The following CDH13 variants were observed in gnomAD, a reference collection of about 807,000 sequenced individuals.
The protein encoded by CDH13 is cadherin 13, also known as cadherin-13.
CDH13 carries 24 observed loss-of-function variants against 63.8 expected under a neutral mutation model. The ratio of observed to expected loss-of-function variants is 0.38; its 90% CI spans 0.27 to 0.53. The LOEUF (loss-of-function observed/expected upper bound fraction) is 0.53. CDH13 is among the 20% of genes least tolerant of loss of function. The probability of loss-of-function intolerance (pLI) is 0.85; values close to 1 mark genes in which losing one functional copy is unlikely to be tolerated. For missense variants in CDH13, 1,049 were observed against 903.1 expected, an observed-to-expected ratio of 1.16 and a Z score of -2.07; for synonymous variants, 503 against 355.3, an observed-to-expected ratio of 1.42 and a Z score of -4.67.
At chr16:82,677,346 G>A (rs1914046723) in intron 1 of CDH13, among the ~76,000 whole-genome samples, 2 of 151,566 alleles carry the variant, frequency 1.3e-5, no homozygotes, top group African/African-American at 4.9e-5. Context: ...CTTCTTCCTA[G>A]CCCAGGTGTT....
intron 11 of CDH13, among the ~76,000 whole-genome samples, chr16:83,754,542 C>G (rs1332321235): frequency 1.3e-5 from 2 of 152,156 alleles, no homozygotes; most frequent in Admixed American, 6.5e-5. Context: ...CCCATAATTC[C>G]CATGTGCTGT....
chr16:82,976,668 T>G (rs1597340806), intron 2 of CDH13, among the ~76,000 whole-genome samples: 1 of 151,952 alleles, frequency 6.6e-6, no homozygotes, highest in East Asian at 1.9e-4. Context: ...AGAATGTAGG[T>G]GAGATTGGCA....
At chr16:83,146,822 T>C (rs1371577416) in intron 4 of CDH13, among the ~76,000 whole-genome samples, 1 of 152,216 alleles carries the variant, frequency 6.6e-6, no homozygotes, top group Non-Finnish European at 1.5e-5. Flanking sequence ...GCATGGTGGC[T>C]CACGCCTGTA....
intron 2 of CDH13, among the ~76,000 whole-genome samples, chr16:82,897,761 G>A (rs959168723): frequency 6.6e-6 from 1 of 152,236 alleles, no homozygotes; most frequent in African/African-American, 2.4e-5. Flanking sequence ...AACTGCAAGG[G>A]GTGGGGAAAT....
intron 2 of CDH13, chr16:82,884,455 A>G (rs1380670005): frequency 6.9e-6 from 2 of 289,146 alleles, no homozygotes; most frequent in Admixed American, 4.2e-5. Context: ...GCAGCAACCC[A>G]GTGCCTGTAA....
intron 1 of CDH13, among the ~76,000 whole-genome samples, chr16:82,741,199 C>G (rs2033915321): frequency 6.6e-6 from 1 of 152,192 alleles, no homozygotes; most frequent in Non-Finnish European, 1.5e-5. Flanking sequence ...TGATATAGCT[C>G]AAACCCTCGG....
chr16:83,399,889 C>T (rs569423755), intron 6 of CDH13, among the ~76,000 whole-genome samples: 8 of 152,300 alleles, frequency 5.3e-5, no homozygotes, highest in East Asian at 1.9e-4. Flanking sequence ...TTGTACCCAA[C>T]TCATTCTAAT....
At chr16:83,400,939 C>T (rs189051838) in intron 6 of CDH13, among the ~76,000 whole-genome samples, 50 of 152,168 alleles carry the variant, frequency 3.3e-4, no homozygotes, top group African/African-American at 1.2e-3. Context: ...TGTGGTGGCT[C>T]ACACCAGTAA....
At chr16:83,007,122 A>G (rs1913606669) in intron 2 of CDH13, among the ~76,000 whole-genome samples, 1 of 151,962 alleles carries the variant, frequency 6.6e-6, no homozygotes, top group Non-Finnish European at 1.5e-5. Context: ...GGGTTTCTCC[A>G]TGTTGGTCAG....
intron 4 of CDH13, among the ~76,000 whole-genome samples, chr16:83,133,946 A>G (rs893039019): frequency 6.6e-6 from 1 of 152,226 alleles, no homozygotes; most frequent in African/African-American, 2.4e-5. Flanking sequence ...AACACAGAGT[A>G]GCGACTCAAA....
At chr16:83,439,199 C>A (rs376555265) in intron 6 of CDH13, among the ~76,000 whole-genome samples, 1 of 152,220 alleles carries the variant, frequency 6.6e-6, no homozygotes, top group Admixed American at 6.5e-5. Context: ...TTGGAAAGAA[C>A]GGTGTCTGGC....
intron 3 of CDH13, among the ~76,000 whole-genome samples, chr16:83,074,807 T>C (rs931249560): frequency 6.6e-6 from 1 of 152,202 alleles, no homozygotes; most frequent in Non-Finnish European, 1.5e-5. Flanking sequence ...GAGTTCCTGA[T>C]AAATAGTCCA....
chr16:82,627,337 C>CGTGCGTGTGTGCGT (rs1555525839), intron 1 of CDH13, among the ~76,000 whole-genome samples, 200 bp downstream of exon 1: 6 of 131,182 alleles, frequency 4.6e-5, no homozygotes, highest in Admixed American at 3.0e-4. Context: ...CTCTGGCGTG[C>CGTGCGTGTGTGCGT]GTGTGTGTGT....
At chr16:83,460,591 C>A (rs529522844) in intron 6 of CDH13, among the ~76,000 whole-genome samples, 2 of 152,138 alleles carry the variant, frequency 1.3e-5, no homozygotes, top group Admixed American at 6.5e-5. Context: ...CAGAAAAATA[C>A]AAACAGATGA....
At chr16:83,051,235 C>T (rs547587108) in intron 3 of CDH13, among the ~76,000 whole-genome samples, 5 of 152,168 alleles carry the variant, frequency 3.3e-5, no homozygotes, top group Non-Finnish European at 7.3e-5. Flanking sequence ...TCACAATTCC[C>T]TGTCATTCAT....
chr16:83,076,780 T>C (rs1371563962), intron 3 of CDH13, among the ~76,000 whole-genome samples: 1 of 152,198 alleles, frequency 6.6e-6, no homozygotes, highest in Non-Finnish European at 1.5e-5. Flanking sequence ...TTGCTTTTGG[T>C]TATTTTCTTC....
intron 1 of CDH13, among the ~76,000 whole-genome samples, chr16:82,779,245 G>A (rs1264961067): frequency 6.6e-6 from 1 of 152,162 alleles, no homozygotes; most frequent in African/African-American, 2.4e-5. Flanking sequence ...GAAAACCGAG[G>A]TGTAGGGAAG....
chr16:83,222,774 A>G (rs559933213), intron 5 of CDH13, among the ~76,000 whole-genome samples: 33 of 152,302 alleles, frequency 2.2e-4, no homozygotes, highest in Non-Finnish European at 4.1e-4. Flanking sequence ...GGTAGCCATT[A>G]GGATTGCCCA....
intron 13 of CDH13, among the ~76,000 whole-genome samples, chr16:83,785,396 G>C (rs555511500): frequency 1.3e-5 from 2 of 152,266 alleles, no homozygotes; most frequent in South Asian, 4.1e-4. Context: ...CATCCATGAG[G>C]ACACTGACTT....
Sources: allele counts gnomAD v4.1 joint callset (sites outside exome capture counted in the v4.1 genomes callset), GRCh38; gene constraint gnomAD v4.1.1; transcripts MANE v1.5; gene names NCBI Gene and HGNC (gene_info 2026-07-23, HGNC 2026-07-21).